Variants in ESRRG observed in about 807,000 individuals in gnomAD.
ESRRG encodes the protein estrogen related receptor gamma.
Under a neutral mutation model 44.0 loss-of-function variants are expected in ESRRG, and 13 were observed. The observed-to-expected ratio is 0.30, with a 90% CI of 0.19 to 0.47. The LOEUF (loss-of-function observed/expected upper bound fraction) is 0.47, where lower values mean the gene tolerates loss of function less well. Among genes scored for constraint, ESRRG ranks in the 20% least tolerant of loss-of-function variants. The pLI, the probability that ESRRG is intolerant of heterozygous loss-of-function variation, is 1.00. For missense variants in ESRRG, 395 were observed against 580.6 expected (o/e 0.68, Z 3.29); for synonymous variants, 215 against 214.6 (o/e 1.00, Z -0.02).
intron 3 of ESRRG, among the ~76,000 whole-genome samples, chr1:216,607,898 T>C (rs950785920): frequency 1.3e-5 from 2 of 152,196 alleles, no homozygotes; most frequent in African/African-American, 4.8e-5. Context: ...AATAAGTTTA[T>C]ATAATTAAAC....
intron 2 of ESRRG, among the ~76,000 whole-genome samples, chr1:216,770,625 A>G (rs542230508): frequency 1.1e-4 from 17 of 152,286 alleles, no homozygotes; most frequent in South Asian, 2.1e-4. Flanking sequence ...GATTATAACA[A>G]TAAATAACAG....
intron 2 of ESRRG, among the ~76,000 whole-genome samples, chr1:216,916,031 A>G (rs559703768): frequency 2.0e-5 from 3 of 152,174 alleles, no homozygotes; most frequent in Non-Finnish European, 4.4e-5. Context: ...TTTCTCTACC[A>G]CTGTGTGTGT....
intron 5 of ESRRG, among the ~76,000 whole-genome samples, chr1:216,537,223 G>A (rs1391413655): frequency 6.6e-6 from 1 of 151,908 alleles, no homozygotes; most frequent in African/African-American, 2.4e-5. Context: ...AGACCAGAGA[G>A]CTCCCTTTGC....
intron 2 of ESRRG, among the ~76,000 whole-genome samples, chr1:216,883,373 G>A (rs1045816227): frequency 1.5e-5 from 2 of 129,876 alleles, no homozygotes; most frequent in African/African-American, 2.9e-5. Flanking sequence ...GGACAAGAGC[G>A]AGACTTCTCT....
At chr1:216,577,451 G>T (rs1397374201) in intron 3 of ESRRG, among the ~76,000 whole-genome samples, 1 of 151,808 alleles carries the variant, frequency 6.6e-6, no homozygotes, top group Admixed American at 6.6e-5. Flanking sequence ...CATGAAATGG[G>T]GTTGTACATC....
At chr1:216,689,887 T>G (rs1402166808) in intron 1 of ESRRG, among the ~76,000 whole-genome samples, 1 of 152,070 alleles carries the variant, frequency 6.6e-6, no homozygotes, top group Non-Finnish European at 1.5e-5. Flanking sequence ...ATTTTTAGAG[T>G]TCCTATTTCA....
At chr1:217,051,204 C>T (rs780523241) in intron 1 of ESRRG, among the ~76,000 whole-genome samples, 3 of 33,588 alleles carry the variant, frequency 8.9e-5, no homozygotes, top group East Asian at 1.1e-3. Context: ...ATAATGGGGG[C>T]GGGGGGGGGG....
chr1:216,807,282 T>C lies in ESRRG; in HGVS notation c.-13-129791A>G, dbSNP rs183083774. Among the ~76,000 whole-genome samples, 40 of 152,320 alleles carry C rather than the reference T, an allele frequency of 2.6e-4. No homozygotes were observed. In the East Asian group the frequency reaches 6.2e-3, roughly 23 times the overall value. ...CTCTTGGGGATCTCATAATTGTCTA[T>C]GAGAAATGTGTTACCATTTTGTGGG... On this transcript the variant is annotated intron_variant, in intron 2 of 7. Coordinates refer to the ESRRG transcript ENST00000359162.
chr1:216,898,190 G>C (rs1035746298), intron 2 of ESRRG, among the ~76,000 whole-genome samples: 1 of 152,142 alleles, frequency 6.6e-6, no homozygotes, highest in African/African-American at 2.4e-5. Context: ...AACTCAGTTT[G>C]CACCATGAAT....
intron 3 of ESRRG, among the ~76,000 whole-genome samples, chr1:216,574,521 G>T (rs2149709440): frequency 6.6e-6 from 1 of 152,182 alleles, no homozygotes; most frequent in East Asian, 1.9e-4. Flanking sequence ...CACAAAGTCA[G>T]AGGCATTTCA....
intron 3 of ESRRG, among the ~76,000 whole-genome samples, chr1:216,587,658 A>AT (rs1263924845): frequency 6.6e-6 from 1 of 152,158 alleles, no homozygotes; most frequent in Non-Finnish European, 1.5e-5. Context: ...TATGCTCAGA[A>AT]TTTTTTTAAA....
chr1:216,628,508 T>A lies in ESRRG; in HGVS notation c.589+22465A>T, dbSNP rs546367525. On this transcript the variant is annotated intron_variant, in intron 3 of 6. Coordinates refer to ENST00000408911, the MANE Select transcript of ESRRG (RefSeq NM_001438.4). ...CTTCTGGAGTTGAGAAATATGTGAA[T>A]AAACATGGGGCCAATTATTATCATC... 5.9e-5 allele frequency among the ~76,000 whole-genome samples: 9 copies of A among 152,324 alleles called. No individual in the cohort carries two copies. The East Asian group carries it at 1.7e-3, about 29-fold the overall frequency.
intron 2 of ESRRG, among the ~76,000 whole-genome samples, chr1:216,749,256 C>A (rs764947544): frequency 2.9e-4 from 44 of 152,094 alleles, no homozygotes; most frequent in Non-Finnish European, 5.1e-4. Context: ...CAAACTGACA[C>A]CAATGACCAA....
intron 1 of ESRRG, among the ~76,000 whole-genome samples, chr1:217,030,278 G>A (rs2151013366): frequency 6.6e-6 from 1 of 152,060 alleles, no homozygotes; most frequent in Non-Finnish European, 1.5e-5. Flanking sequence ...TTCCCAACCA[G>A]ACCTTTCACA....
At chr1:216,780,067 G>A (rs374821204) in intron 2 of ESRRG, among the ~76,000 whole-genome samples, 6 of 151,480 alleles carry the variant, frequency 4.0e-5, no homozygotes, top group African/African-American at 1.5e-4. Context: ...TGTTTCTATG[G>A]CTGAGATCTA....
chr1:216,868,197 C>T (rs919760112), intron 2 of ESRRG, among the ~76,000 whole-genome samples: 7 of 148,748 alleles, frequency 4.7e-5, no homozygotes, highest in Non-Finnish European at 1.0e-4. Flanking sequence ...AAGCCATTCT[C>T]CTGTCTCAGC....
At chr1:216,672,675 C>A (rs2075406509) in intron 2 of ESRRG, among the ~76,000 whole-genome samples, 1 of 151,972 alleles carries the variant, frequency 6.6e-6, no homozygotes, top group Non-Finnish European at 1.5e-5. Flanking sequence ...TGAGACCAGC[C>A]TGGGCAACAT....
At chr1:216,720,568 T>G (rs776157978) in intron 1 of ESRRG, among the ~76,000 whole-genome samples, 1 of 152,138 alleles carries the variant, frequency 6.6e-6, no homozygotes, top group Non-Finnish European at 1.5e-5. Context: ...TCGGCTTTTT[T>G]GTTGTTGTTA....
chr1:216,709,828 C>T (rs970118314), intron 1 of ESRRG, among the ~76,000 whole-genome samples: 15 of 151,930 alleles, frequency 9.9e-5, no homozygotes, highest in African/African-American at 1.7e-4. Flanking sequence ...TTAGAATAAA[C>T]GAAACAATAA....
Sources: allele counts gnomAD v4.1 joint callset (sites outside exome capture counted in the v4.1 genomes callset), GRCh38; gene constraint gnomAD v4.1.1; transcripts MANE v1.5; gene names NCBI Gene and HGNC (gene_info 2026-07-23, HGNC 2026-07-21).